BAZ1B: variants seen among roughly 807,000 people sequenced by gnomAD.
The protein encoded by BAZ1B is tyrosine-protein kinase BAZ1B.
In BAZ1B, 22 loss-of-function variants were observed where a neutral mutation model predicts 153.8. The ratio of observed to expected loss-of-function variants is 0.14; its 90% confidence interval spans 0.10 to 0.20. The LOEUF is 0.20. Among genes scored for constraint, BAZ1B ranks in the 10% least tolerant of loss-of-function variants. BAZ1B has a pLI of 1.00. For missense variants in BAZ1B, 1,325 were observed against 1,799.3 expected, an observed-to-expected ratio of 0.74 and a Z score of 4.77; for synonymous variants, 676 against 633.4, an observed-to-expected ratio of 1.07 and a Z score of -1.01.
intron 8 of BAZ1B, 100 bp from the exon 9 acceptor site, chr7:73,469,750 A>G: frequency 2.2e-6 from 3 of 1,375,612 alleles, no homozygotes; most frequent in Non-Finnish European, 3.0e-6. Flanking sequence ...CTGAGCATTC[A>G]AAACCACAGT....
chr7:73,469,749 C>T (rs1788726361), intron 8 of BAZ1B, 99 bp from the exon 9 acceptor site: 1 of 1,383,874 alleles, frequency 7.2e-7, no homozygotes, highest in Admixed American at 1.8e-5. Flanking sequence ...ACTGAGCATT[C>T]AAAACCACAG....
At chr7:73,516,787 A>C (rs1306603981) in intron 1 of BAZ1B, among the ~76,000 whole-genome samples, 4 of 150,764 alleles carry the variant, frequency 2.7e-5, no homozygotes, top group Non-Finnish European at 5.9e-5. Flanking sequence ...AAAAAAAAAA[A>C]AAAAAAAAAA....
At chr7:73,442,102 A>T in intron 19 of BAZ1B, 79 bp downstream of exon 19, 1 of 978,958 alleles carries the variant, frequency 1.0e-6, no homozygotes, top group Non-Finnish European at 1.5e-6. Flanking sequence ...ACTCCCTGTG[A>T]TCTCTTCCAG....
chr7:73,492,471 T>C (rs1554575701), intron 5 of BAZ1B, among the ~76,000 whole-genome samples: 1 of 152,136 alleles, frequency 6.6e-6, no homozygotes, highest in Non-Finnish European at 1.5e-5. Context: ...CTGACTGCTC[T>C]ACTTTTAACT....
intron 6 of BAZ1B, 140 bp downstream of exon 6, chr7:73,489,054 T>A (rs143128948): frequency 1.3e-6 from 1 of 773,972 alleles, no homozygotes; most frequent in African/African-American, 1.8e-5. Flanking sequence ...ACAACCTGTA[T>A]GTAACAGATA....
rs1789707933 is a variant in BAZ1B, at chr7:73,492,881, T to C, written c.612A>G (p.Ser204=). The change falls in exon 5 of 20, where the codon TCA becomes TCG. Residue 204 remains serine, a synonymous_variant. Transcript: ENST00000339594. ...ARRSPRKLPT[S]LKKGERKWAP... Reference sequence around the variant, plus strand: ...CCCATTTCCTTTCTCCTTTTTTTAATGAAGTAGGAAGTTTTCGTGGCGATC... The same window carrying C: ...CCCATTTCCTTTCTCCTTTTTTTAACGAAGTAGGAAGTTTTCGTGGCGATC... The C allele has an allele frequency of 6.2e-7, 1 of 1,611,632 alleles. No homozygotes were observed. The highest frequency in any genetic ancestry group is 8.5e-7 in the Non-Finnish European group (1 of 1,179,344).
chr7:73,445,046 C>T (rs1297085157), intron 16 of BAZ1B, among the ~76,000 whole-genome samples: 1 of 152,028 alleles, frequency 6.6e-6, no homozygotes, highest in Non-Finnish European at 1.5e-5. Flanking sequence ...CACACACACA[C>T]ACAAAGGCAC....
intron 6 of BAZ1B, among the ~76,000 whole-genome samples, chr7:73,487,741 TCTC>T (rs1292331871): frequency 6.6e-6 from 1 of 152,020 alleles, no homozygotes; most frequent in Non-Finnish European, 1.5e-5. Flanking sequence ...ACTCAAAATT[TCTC>T]CTCAACAAAC....
chr7:73,480,957 C>T lies in BAZ1B; in HGVS notation c.892-2388G>A, dbSNP rs148694172. On this transcript the variant is annotated intron_variant, in intron 6 of 19. Coordinates refer to ENST00000339594, the MANE Select transcript of BAZ1B (RefSeq NM_032408.4). ...ATTTTTTATTTTTGAGATGGAGTCT[C>T]GCTCTGTCTCCCAGTCCGGAGTGCA... Among the ~76,000 whole-genome samples, 124 of 152,190 alleles carry T rather than the reference C, an allele frequency of 8.1e-4. No homozygotes were observed. The South Asian group carries it at 0.01, about 13-fold the overall frequency.
intron 3 of BAZ1B, among the ~76,000 whole-genome samples, chr7:73,504,830 T>TA (rs1403582465): frequency 6.6e-6 from 1 of 151,626 alleles, no homozygotes; most frequent in Non-Finnish European, 1.5e-5. Context: ...CCTGTCTCAA[T>TA]AAAAAACAAA....
intron 6 of BAZ1B, among the ~76,000 whole-genome samples, chr7:73,488,311 T>G (rs1231501553): frequency 6.6e-6 from 1 of 152,226 alleles, no homozygotes; most frequent in African/African-American, 2.4e-5. Context: ...TCTTAAGTCT[T>G]GTCATCACTT....
In BAZ1B at chr7:73,466,324, T is replaced by C. The variant is rs1452358992; in HGVS notation, c.2944A>G (p.Thr982Ala). The change falls in exon 10 of 20, where the codon ACC (threonine) becomes GCC (alanine). Residue 982 changes from threonine (T) to alanine (A), a missense_variant. Thr to Ala is a moderately conservative substitution (Grantham distance 58). Transcript: ENST00000339594. ...AGGTTCTGTCCTTGTTTGGGTGTGG[T>C]TGTCTCTACAGCAACTTCTGTTGCT... ...GTATEVAVETTTPKQGQNLWF... is the reference protein window; with the variant it reads ...GTATEVAVETATPKQGQNLWF... 3.1e-6 allele frequency: 5 copies of C among 1,613,406 alleles called. No individual in the cohort carries two copies. Among genetic ancestry groups the C allele is most frequent in the African/African-American group, 2.7e-5 (2 of 74,912 alleles).
At position 73,522,094 on chromosome 7, in the gene BAZ1B, C is replaced by G. The variant is rs1791084831; in HGVS notation, c.-161G>C. 1 of 446,346 alleles carries G rather than the reference C, an allele frequency of 2.2e-6. No homozygotes were observed. Among genetic ancestry groups the G allele is most frequent in the Non-Finnish European group, 3.7e-6 (1 of 270,602 alleles). The allele number at this position is 446,346 out of a possible 1,614,324, so 27.6% of individuals were successfully genotyped here. On this transcript the variant is annotated 5_prime_UTR_variant, in exon 1 of 20. Transcript: ENST00000339594. Reference sequence around the variant, plus strand: ...TCCGGCTCCCTCACCGCCGGCGCGGCCGCGCGACAGTCATGGAGCGGAACG... The same window carrying G: ...TCCGGCTCCCTCACCGCCGGCGCGGGCGCGCGACAGTCATGGAGCGGAACG...
intron 5 of BAZ1B, among the ~76,000 whole-genome samples, 194 bp downstream of exon 5, chr7:73,492,606 C>G (rs1789695927): frequency 6.6e-6 from 1 of 152,176 alleles, no homozygotes; most frequent in Non-Finnish European, 1.5e-5. Flanking sequence ...AGAGGAAAAG[C>G]ATGGTATCTT....
intron 11 of BAZ1B, chr7:73,464,152 T>C (rs1314989076): frequency 1.0e-6 from 1 of 984,874 alleles, no homozygotes; most frequent in Admixed American, 6.1e-5. Context: ...GGCAATGGTG[T>C]AGAGTATGTA....
At position 73,475,620 on chromosome 7, in the gene BAZ1B, G is replaced by A. The variant is rs145228384; in HGVS notation, c.2593+1248C>T. Among the ~76,000 whole-genome samples the A allele has an allele frequency of 3.9e-5, 6 of 152,278 alleles. No homozygotes were observed. In the East Asian group the frequency reaches 1.2e-3, roughly 29 times the overall value. ...GGTTTTCTTTTAAAAATGTTTTGGG[G>A]CCAGGCATGGTGGCTGGCCCGGCAT... On this transcript the variant is annotated intron_variant, in intron 7 of 19. Coordinates refer to ENST00000339594, the MANE Select transcript of BAZ1B (RefSeq NM_032408.4).
At chr7:73,491,459 C>T (rs1306868315) in intron 5 of BAZ1B, among the ~76,000 whole-genome samples, 1 of 151,902 alleles carries the variant, frequency 6.6e-6, no homozygotes, top group African/African-American at 2.4e-5. Context: ...ATTAGTCAGG[C>T]ATGGTGATGC....
At chr7:73,491,265 G>A (rs1403425478) in intron 5 of BAZ1B, among the ~76,000 whole-genome samples, 3 of 151,838 alleles carry the variant, frequency 2.0e-5, no homozygotes, top group Admixed American at 6.6e-5. Flanking sequence ...CCGCCTGAGC[G>A]ACAGAACAAG....
At position 73,477,890 on chromosome 7, in the gene BAZ1B, T is replaced by C. The variant is rs1789053302; in HGVS notation, c.1571A>G (p.Lys524Arg). 1.2e-6 allele frequency: 2 copies of C among 1,614,062 alleles called. No individual in the cohort carries two copies. Among genetic ancestry groups the C allele is most frequent in the African/African-American group, 2.7e-5 (2 of 74,910 alleles). The change falls in exon 7 of 20, where the codon AAA becomes AGA. Residue 524 changes from lysine to arginine, a missense_variant. Around this residue, in one of 9 missense-constraint regions of BAZ1B, gnomAD observed 154 missense variants for 266.3 expected, o/e 0.58. Transcript: ENST00000339594. This position sits in a 1 kb window ranked among gnomAD's most constrained non-coding sequence, Gnocchi z 5.6. ...TTTGTGCTCTAGAAGTTCATAGCGT[T>C]TTTGAACAAGACTTCGCAATTCTTC... ...LPEELRSLVQ[K>R]RYELLEHKKR...
Sources: allele counts gnomAD v4.1 joint callset (sites outside exome capture counted in the v4.1 genomes callset), GRCh38; gene constraint gnomAD v4.1.1; regional missense constraint gnomAD v4.1.1; non-coding constraint Gnocchi (gnomAD v3.1); transcripts MANE v1.5; gene names NCBI Gene and HGNC (gene_info 2026-07-23, HGNC 2026-07-21).